The following ITPR2 variants were observed in gnomAD, a reference collection of about 807,000 sequenced individuals.
ITPR2 encodes inositol 1,4,5-trisphosphate receptor type 2, also known as inositol 1,4,5-trisphosphate-gated calcium channel ITPR2.
In ITPR2, 207 loss-of-function variants were observed where a neutral mutation model predicts 317.1. That is an observed-to-expected ratio of 0.65 (90% CI 0.58 to 0.73). The LOEUF (loss-of-function observed/expected upper bound fraction) is 0.73. ITPR2 is among the 30% of genes least tolerant of loss of function. ITPR2 has a pLI of 0.00. For missense variants in ITPR2, 2,613 were observed against 3,284.0 expected, an observed-to-expected ratio of 0.80 and a Z score of 4.99; for synonymous variants, 1,156 against 1,149.1, an observed-to-expected ratio of 1.01 and a Z score of -0.12.
At chr12:26,373,128 T>C (rs1220082452) in intron 55 of ITPR2, among the ~76,000 whole-genome samples, 3 of 152,184 alleles carry the variant, frequency 2.0e-5, no homozygotes, top group Non-Finnish European at 2.9e-5. Flanking sequence ...AATAGTCAAA[T>C]CTGGACCACT....
chr12:26,342,593 G>T (rs1401616347), intron 55 of ITPR2, among the ~76,000 whole-genome samples: 1 of 147,414 alleles, frequency 6.8e-6, no homozygotes, highest in Non-Finnish European at 1.5e-5. Flanking sequence ...TTGTTTGTTT[G>T]TTTTTGTTTT....
chr12:26,366,339 T>G (rs1000748305), intron 55 of ITPR2, among the ~76,000 whole-genome samples: 1 of 152,220 alleles, frequency 6.6e-6, no homozygotes, highest in African/African-American at 2.4e-5. Context: ...CAATTCTTTC[T>G]GCTAATTTTA....
rs1261036044 is a variant in ITPR2 at position 26,477,048 on chromosome 12, T to C, written c.6124-41A>G. 5 of 1,253,618 alleles carry C rather than the reference T, an allele frequency of 4.0e-6. No individual in the cohort carries two copies. The East Asian group carries it at 1.2e-4, about 30-fold the overall frequency. The allele number at this position is 1,253,618 out of a possible 1,614,324, so 77.7% of individuals were successfully genotyped here. A position where few individuals can be genotyped will look rare whatever the true frequency, so the allele number is the denominator to read the frequency against. On this transcript the variant is annotated intron_variant, in intron 43 of 56. Transcript: ENST00000381340. ...GAGTTAATGTGCATGCAAAGTCTAT[T>C]TCATGGATTAACGATTTCTCTGCAT... is the stretch of plus-strand genomic sequence containing the variant.
At chr12:26,663,964 A>ATT (rs1947562075) in intron 14 of ITPR2, 118 bp from the exon 15 acceptor site, 3 of 928,206 alleles carry the variant, frequency 3.2e-6, no homozygotes. Flanking sequence ...GTATTAGAGT[A>ATT]AACGGGAAAA....
chr12:26,447,675 T>C (rs1205839891), intron 45 of ITPR2, among the ~76,000 whole-genome samples: 2 of 152,014 alleles, frequency 1.3e-5, no homozygotes, highest in Non-Finnish European at 2.9e-5. Context: ...AGGATAGCAT[T>C]CCTATTATAT....
intron 32 of ITPR2, among the ~76,000 whole-genome samples, chr12:26,584,998 G>A (rs1367738115): frequency 6.6e-6 from 1 of 152,042 alleles, no homozygotes; most frequent in Non-Finnish European, 1.5e-5. Context: ...TGAATCATCA[G>A]CTCATACACT....
intron 32 of ITPR2, among the ~76,000 whole-genome samples, chr12:26,583,698 C>T (rs2137081477): frequency 6.6e-6 from 1 of 152,142 alleles, no homozygotes; most frequent in Non-Finnish European, 1.5e-5. Flanking sequence ...TGTTTCATTC[C>T]TAGGTTACCT....
chr12:26,692,739 C>G (rs546946589), intron 10 of ITPR2, among the ~76,000 whole-genome samples: 1 of 152,034 alleles, frequency 6.6e-6, no homozygotes, highest in Non-Finnish European at 1.5e-5. Flanking sequence ...ATGCATGAAC[C>G]TTTGAAACTT....
chr12:26,379,340 T>C (rs1939436790), intron 55 of ITPR2, among the ~76,000 whole-genome samples: 1 of 152,184 alleles, frequency 6.6e-6, no homozygotes, highest in African/African-American at 2.4e-5. Context: ...CACTTACCCA[T>C]GTCAGTTATA....
intron 26 of ITPR2, among the ~76,000 whole-genome samples, chr12:26,617,144 A>G (rs1946390053): frequency 6.6e-6 from 1 of 152,182 alleles, no homozygotes; most frequent in African/African-American, 2.4e-5. Flanking sequence ...CCATCCCCCA[A>G]ACACTGTTCA....
At position 26,338,197 on chromosome 12, in the gene ITPR2, G is replaced by C. The variant is rs1937983960; in HGVS notation, c.*1200C>G. ...TTTGCTCTGCTATTCCAAATGTGTA[G>C]TCTCTAAGAATAACCTGAACACACC... On this transcript the variant is annotated 3_prime_UTR_variant, in exon 57 of 57. Coordinates refer to ENST00000381340, the MANE Select transcript of ITPR2 (RefSeq NM_002223.4). 6.6e-6 allele frequency: 1 copy of C among 152,498 alleles called. No homozygotes were observed. The highest frequency in any genetic ancestry group is 2.1e-4 in the South Asian group (1 of 4,828). 9.4% of individuals were successfully genotyped at this position (152,498 alleles called of 1,614,324 possible).
intron 2 of ITPR2, among the ~76,000 whole-genome samples, chr12:26,746,770 A>C (rs1018579156): frequency 6.6e-6 from 1 of 152,032 alleles, no homozygotes. Context: ...TGTTGCATGT[A>C]CCTACCTTTC....
At chr12:26,414,445 G>A (rs1940657941) in intron 51 of ITPR2, among the ~76,000 whole-genome samples, 2 of 152,150 alleles carry the variant, frequency 1.3e-5, no homozygotes, top group Non-Finnish European at 2.9e-5. Context: ...AGGAGAAAGA[G>A]TGTCATATTT....
At position 26,460,348 on chromosome 12, in the gene ITPR2, G is replaced by C. The variant is rs16930774; in HGVS notation, c.6342+14948C>G. Reference sequence around the variant, plus strand: ...ACAAGAAGTGCACGCCCATGGAGGAGAGTGTTGTGGTTTTTATTCGTTTGT... The same window carrying C: ...ACAAGAAGTGCACGCCCATGGAGGACAGTGTTGTGGTTTTTATTCGTTTGT... On this transcript the variant is annotated intron_variant, in intron 45 of 56. Transcript: ENST00000381340. 3.8e-3 allele frequency among the ~76,000 whole-genome samples: 582 copies of C among 152,352 alleles called. 5 individuals are homozygous for C. Among genetic ancestry groups the C allele is most frequent in the African/African-American group, 0.013 (548 of 41,582 alleles).
intron 28 of ITPR2, among the ~76,000 whole-genome samples, chr12:26,601,167 T>C (rs1219119409): frequency 2.0e-5 from 3 of 152,180 alleles, no homozygotes; most frequent in Non-Finnish European, 4.4e-5. Flanking sequence ...TTTCCCCATG[T>C]AGTTGATTGT....
rs149937549 is a variant in ITPR2 at position 26,342,357 on chromosome 12, G to A, written c.7858-2029C>T. Among the ~76,000 whole-genome samples the A allele has an allele frequency of 1.0e-3, 159 of 152,054 alleles. 1 individual carries two copies. The Middle Eastern group carries it at 0.014, about 13-fold the overall frequency. ...GTTATCTATCCAGTATTTATATTAC[G>A]TATTATCTGAATTTTACAAATGAAG... On this transcript the variant is annotated intron_variant, in intron 55 of 56. Transcript: ENST00000381340.
chr12:26,544,605 GAC>G (rs10648602), intron 37 of ITPR2, among the ~76,000 whole-genome samples: 70,101 of 143,426 alleles, frequency 0.49, 21,918 homozygotes, highest in Non-Finnish European at 0.7. Flanking sequence ...GAGACACACA[GAC>G]ACACACACAC....
chr12:26,648,459 T>C (rs1947165558), intron 21 of ITPR2, among the ~76,000 whole-genome samples: 1 of 152,030 alleles, frequency 6.6e-6, no homozygotes, highest in East Asian at 1.9e-4. Context: ...AACTGTATCA[T>C]TTACTTAAAG....
intron 48 of ITPR2, among the ~76,000 whole-genome samples, chr12:26,430,841 T>C (rs1368930617): frequency 6.6e-6 from 1 of 152,140 alleles, no homozygotes; most frequent in Non-Finnish European, 1.5e-5. Flanking sequence ...ACTCTATAGT[T>C]TCCTGTACAG....
Sources: allele counts gnomAD v4.1 joint callset (sites outside exome capture counted in the v4.1 genomes callset), GRCh38; gene constraint gnomAD v4.1.1; transcripts MANE v1.5; gene names NCBI Gene and HGNC (gene_info 2026-07-23, HGNC 2026-07-21).